The following ATAD3A variants were observed in gnomAD, a reference collection of about 807,000 sequenced individuals.
ATAD3A encodes ATPase family AAA domain-containing protein 3A.
Under a neutral mutation model 73.8 loss-of-function variants are expected in ATAD3A, and 46 were observed. The ratio of observed to expected loss-of-function variants is 0.62; its 90% CI spans 0.49 to 0.80. The LOEUF (loss-of-function observed/expected upper bound fraction) is 0.80. Ranked by LOEUF, ATAD3A falls within the 30% of genes least tolerant of loss-of-function variation. The pLI, the probability that ATAD3A is intolerant of heterozygous loss-of-function variation, is 0.00. For synonymous variants in ATAD3A, 319 were observed against 350.0 expected (o/e 0.91, Z 0.99); for missense variants, 705 against 838.0 (o/e 0.84, Z 1.96).
Position 1,520,878 on chromosome 1 carries a change from C to G in ATAD3A, c.750+261C>G, listed in dbSNP as rs1232063690. Among the ~76,000 whole-genome samples, 1 of 152,064 alleles carries G rather than the reference C, an allele frequency of 6.6e-6. No homozygotes were observed. Among genetic ancestry groups the G allele is most frequent in the Non-Finnish European group, 1.5e-5 (1 of 68,006 alleles). The stretch of plus-strand genomic sequence containing the variant: ...AATATTAGCTGGGTGTGGTGGCAGC[C>G]CCTGTGGTCCCACTACTCAAGAGGC... On this transcript the variant is annotated intron_variant, in intron 7 of 15. Transcript: ENST00000378756. The surrounding 1 kb of genome is among the most constrained non-coding windows in gnomAD (Gnocchi z 4.0).
intron 4 of ATAD3A, among the ~76,000 whole-genome samples, chr1:1,518,212 A>G (rs1355172711): frequency 1.3e-5 from 2 of 150,032 alleles, no homozygotes; most frequent in African/African-American, 4.9e-5. Context: ...ACACACCCCC[A>G]TACAGACAGG....
rs547065932 is a variant in ATAD3A, at chr1:1,533,781, C to T, written c.1615-145C>T. On this transcript the variant is annotated intron_variant, in intron 15 of 15. Transcript: ENST00000378756. ...CCGGTGTCCACACACGTGCTGGGCT[C>T]TGCCGAGGTGCGGGAAGCCTGTGTT... 1.9e-4 allele frequency: 226 copies of T among 1,221,312 alleles called. No homozygotes were observed. The Admixed American group carries it at 5.1e-3, about 27-fold the overall frequency. 75.7% of individuals were successfully genotyped at this position (1,221,312 alleles called of 1,614,324 possible). A position where few individuals can be genotyped will look rare whatever the true frequency, so the allele number is the denominator to read the frequency against.
intron 15 of ATAD3A, among the ~76,000 whole-genome samples, chr1:1,529,752 G>C (rs1403885361): frequency 6.6e-6 from 1 of 152,222 alleles, no homozygotes; most frequent in Non-Finnish European, 1.5e-5. Context: ...TGTGGGCTTG[G>C]TCCTGCTTGA....
chr1:1,521,942 T>C (rs1302478683), intron 7 of ATAD3A, among the ~76,000 whole-genome samples: 4 of 152,346 alleles, frequency 2.6e-5, no homozygotes, highest in Admixed American at 2.6e-4. Flanking sequence ...TTGGCCAGGC[T>C]GGTCACGAAC....
intron 2 of ATAD3A, chr1:1,517,100 G>A (rs968355850): frequency 6.5e-6 from 10 of 1,532,616 alleles, no homozygotes; most frequent in African/African-American, 2.8e-5. Flanking sequence ...GGGGGCCTTC[G>A]CGGGCTTCTG....
intron 15 of ATAD3A, among the ~76,000 whole-genome samples, chr1:1,531,551 A>G (rs1479753091): frequency 6.6e-6 from 1 of 151,156 alleles, no homozygotes; most frequent in Admixed American, 6.6e-5. Context: ...AGATGGGCGG[A>G]TCATGAAGTC....
At chr1:1,527,120 C>T (rs1225862783) in intron 13 of ATAD3A, 1 of 1,267,956 alleles carries the variant, frequency 7.9e-7, no homozygotes, top group African/African-American at 1.5e-5. Flanking sequence ...CCTCCCAAGT[C>T]CCCTAATTTT....
chr1:1,532,891 C>G (rs1424228503), intron 15 of ATAD3A, among the ~76,000 whole-genome samples: 1 of 151,976 alleles, frequency 6.6e-6, no homozygotes, highest in East Asian at 1.9e-4. Flanking sequence ...CTCCGGGGCC[C>G]CTGACCCACA....
chr1:1,515,682 G>A (rs747801849), intron 1 of ATAD3A, among the ~76,000 whole-genome samples: 2 of 152,024 alleles, frequency 1.3e-5, no homozygotes, highest in Non-Finnish European at 2.9e-5. Flanking sequence ...CGAATGTAAC[G>A]TGAAAAAATA....
At chr1:1,515,708 A>G (rs1557455827) in intron 1 of ATAD3A, among the ~76,000 whole-genome samples, 2 of 152,242 alleles carry the variant, frequency 1.3e-5, no homozygotes, top group African/African-American at 4.8e-5. Flanking sequence ...CACTTTAGCC[A>G]TCGCCTGACT....
intron 14 of ATAD3A, among the ~76,000 whole-genome samples, chr1:1,528,995 C>T (rs990935570): frequency 2.0e-5 from 3 of 152,232 alleles, no homozygotes; most frequent in African/African-American, 7.2e-5. Context: ...GTGGGCAGGG[C>T]TGGTGTGAGG....
At position 1,529,260 on chromosome 1, in the gene ATAD3A, T is replaced by G. The variant is rs1641953315; in HGVS notation, c.1543T>G (p.Cys515Gly). Reference protein sequence around the residue: ...KLAQFDYGRKCSEVARLTEGM... With the variant: ...KLAQFDYGRKGSEVARLTEGM... ...GGCCCAGTTTGACTACGGGAGGAAG[T>G]GCTCGGAGGTCGCTCGGCTGACGGA... is the stretch of plus-strand genomic sequence containing the variant. The change falls in exon 15 of 16, where the codon TGC (cysteine) becomes GGC (glycine). Residue 515 changes from cysteine to glycine, a missense_variant. Coordinates refer to ENST00000378756, the MANE Select transcript of ATAD3A (RefSeq NM_001170535.3). 1 of 1,608,612 alleles carries G rather than the reference T, an allele frequency of 6.2e-7. No individual in the cohort carries two copies. Among genetic ancestry groups the G allele is most frequent in the Non-Finnish European group, 8.5e-7 (1 of 1,178,428 alleles).
rs537957897 is a variant in ATAD3A, at chr1:1,523,003, G to A, written c.906+104G>A. ...ACCCTCCCGTCCCTTCCCTTTCCCCGGATAACGGGCACCCGCACACTGCTT... is the reference window on the plus strand; with the variant it reads ...ACCCTCCCGTCCCTTCCCTTTCCCCAGATAACGGGCACCCGCACACTGCTT... On this transcript the variant is annotated intron_variant, in intron 8 of 15. Coordinates refer to ENST00000378756, the MANE Select transcript of ATAD3A (RefSeq NM_001170535.3). The surrounding 1 kb of genome is among the most constrained non-coding windows in gnomAD (Gnocchi z 5.1). The A allele has an allele frequency of 3.8e-5, 57 of 1,514,298 alleles. No individual in the cohort carries two copies. Among genetic ancestry groups the A allele is most frequent in the African/African-American group, 3.1e-4 (22 of 70,714 alleles). The allele number at this position is 1,514,298 out of a possible 1,614,324, so 93.8% of individuals were successfully genotyped here. A position where few individuals can be genotyped will look rare whatever the true frequency, so the allele number is the denominator to read the frequency against.
intron 1 of ATAD3A, among the ~76,000 whole-genome samples, chr1:1,514,366 A>G (rs9439457): frequency 0.19 from 28,784 of 149,644 alleles, 3,312 homozygotes; most frequent in African/African-American, 0.49. Flanking sequence ...ACACACCCTC[A>G]GTCCCCTCGG....
intron 4 of ATAD3A, among the ~76,000 whole-genome samples, chr1:1,518,290 C>T (rs1641440567): frequency 7.2e-6 from 1 of 138,334 alleles, no homozygotes; most frequent in South Asian, 2.5e-4. Flanking sequence ...GTACGTACCC[C>T]CCCACACACA....
rs1360133598 is a variant in ATAD3A at position 1,522,768 on chromosome 1, G to C, written c.775G>C (p.Val259Leu). The stretch of plus-strand genomic sequence containing the variant: ...GGTGGCTGGGCTGACGCTGCTGGCT[G>C]TTGGGGTCTACTCAGCCAAGAATGC... ...ATVAGLTLLA[V>L]GVYSAKNATL... Residue 259 changes from valine to leucine, a missense_variant, in exon 8 of 16, where the codon GTT becomes CTT. This residue lies in a region of ATAD3A where 315 missense variants were observed against 334.1 expected (regional missense o/e 0.94). Coordinates refer to ENST00000378756, the MANE Select transcript of ATAD3A (RefSeq NM_001170535.3). The C allele has an allele frequency of 7.4e-6, 12 of 1,611,880 alleles. No homozygotes were observed. The highest frequency in any genetic ancestry group is 8.5e-6 in the Non-Finnish European group (10 of 1,179,788).
At chr1:1,521,547 G>C (rs1307670652) in intron 7 of ATAD3A, among the ~76,000 whole-genome samples, 1 of 152,184 alleles carries the variant, frequency 6.6e-6, no homozygotes, top group Non-Finnish European at 1.5e-5. Context: ...GTGGGCACTT[G>C]CTCTGCCGTG....
chr1:1,528,789 T>C (rs1208712662), intron 14 of ATAD3A, among the ~76,000 whole-genome samples: 1 of 152,234 alleles, frequency 6.6e-6, no homozygotes, highest in Admixed American at 6.5e-5. Flanking sequence ...GCCTGCTCCA[T>C]GCCAGCCCAG....
intron 7 of ATAD3A, among the ~76,000 whole-genome samples, chr1:1,521,898 T>C (rs1157017219): frequency 6.6e-6 from 1 of 151,948 alleles, no homozygotes; most frequent in Non-Finnish European, 1.5e-5. Flanking sequence ...CCGGCCAATT[T>C]TTGTATTTTT....
Sources: gnomAD v4.1 joint callset for allele counts (sites outside exome capture counted in the v4.1 genomes callset) on GRCh38, gnomAD v4.1.1 for gene constraint, gnomAD v4.1.1 regional missense constraint, Gnocchi (gnomAD v3.1) non-coding constraint, MANE v1.5 for transcripts, NCBI Gene and HGNC (gene_info 2026-07-23, HGNC 2026-07-21) for gene names.